The following SLC9A9 variants were observed in gnomAD, a reference collection of about 807,000 sequenced individuals.
The protein encoded by SLC9A9 is solute carrier family 9 member A9.
In SLC9A9, 62 loss-of-function variants were observed where a neutral mutation model predicts 77.8. That is an observed-to-expected ratio of 0.80 (90% CI 0.65 to 0.98). The LOEUF is 0.98. Ranked by LOEUF, SLC9A9 falls within the 50% of genes least tolerant of loss-of-function variation. The probability of loss-of-function intolerance (pLI) is 0.00; values close to 1 mark genes in which losing one functional copy is unlikely to be tolerated. For synonymous variants in SLC9A9, 320 were observed against 283.5 expected (o/e 1.13, Z -1.29); for missense variants, 775 against 774.9 (o/e 1.00, Z 0.00).
At chr3:143,658,399 C>T (rs577799155) in intron 5 of SLC9A9, among the ~76,000 whole-genome samples, 11 of 152,318 alleles carry the variant, frequency 7.2e-5, no homozygotes, top group Admixed American at 2.6e-4. Context: ...GCTTAATTCT[C>T]TTGTTGAGAA....
chr3:143,666,611 TA>T (rs201748924), intron 5 of SLC9A9, among the ~76,000 whole-genome samples: 4,712 of 152,324 alleles, frequency 0.031, 107 homozygotes, highest in Middle Eastern at 0.088. Flanking sequence ...AAAATCTCCT[TA>T]AGCTGATAAG....
At chr3:143,830,252 G>T (rs147382266) in intron 2 of SLC9A9, among the ~76,000 whole-genome samples, 1 of 152,272 alleles carries the variant, frequency 6.6e-6, no homozygotes, top group Non-Finnish European at 1.5e-5. Flanking sequence ...GACTTAGTCA[G>T]GTTGCTGAGT....
chr3:143,474,506 T>C (rs1186668671), intron 11 of SLC9A9, among the ~76,000 whole-genome samples: 1 of 151,950 alleles, frequency 6.6e-6, no homozygotes, highest in African/African-American at 2.4e-5. Flanking sequence ...GTGCTGAATG[T>C]ATGTCAAAGG....
intron 1 of SLC9A9, among the ~76,000 whole-genome samples, chr3:143,837,181 T>C (rs2009588887): frequency 1.3e-5 from 2 of 152,232 alleles, no homozygotes. Context: ...ACTATAATTG[T>C]GTCCAGACAC....
At chr3:143,272,677 A>T (rs1041579392) in intron 14 of SLC9A9, among the ~76,000 whole-genome samples, 8 of 152,180 alleles carry the variant, frequency 5.3e-5, no homozygotes, top group African/African-American at 1.4e-4. Context: ...TCTTCTATCT[A>T]TTAAAAAAAA....
chr3:143,667,878 G>A (rs1229218048), intron 5 of SLC9A9, among the ~76,000 whole-genome samples: 1 of 152,194 alleles, frequency 6.6e-6, no homozygotes, highest in Admixed American at 6.5e-5. Context: ...CTCTTACACT[G>A]TTGGTGGGAG....
chr3:143,406,384 T>G (rs1459036457), intron 12 of SLC9A9, among the ~76,000 whole-genome samples: 1 of 145,774 alleles, frequency 6.9e-6, no homozygotes, highest in Non-Finnish European at 1.5e-5. Flanking sequence ...TTCCTGTATC[T>G]TTTTTTTTTT....
chr3:143,520,193 C>T lies in SLC9A9; in HGVS notation c.1090-24745G>A, dbSNP rs540849067. On this transcript the variant is annotated intron_variant, in intron 9 of 15. Coordinates refer to ENST00000316549, the MANE Select transcript of SLC9A9 (RefSeq NM_173653.4). ...GTGCTATGGACTGATGTTTGTGTCTCCTTGAAATTCATATGTTGAAGCACT... is the reference window on the plus strand; with the variant it reads ...GTGCTATGGACTGATGTTTGTGTCTTCTTGAAATTCATATGTTGAAGCACT... 2.3e-4 allele frequency among the ~76,000 whole-genome samples: 35 copies of T among 152,268 alleles called. 1 individual carries two copies. The South Asian group carries it at 6.8e-3, about 30-fold the overall frequency.
intron 5 of SLC9A9, among the ~76,000 whole-genome samples, chr3:143,677,066 T>C (rs1932909099): frequency 6.6e-6 from 1 of 152,214 alleles, no homozygotes; most frequent in African/African-American, 2.4e-5. Flanking sequence ...GGACTGCACA[T>C]GTTCATTGCT....
chr3:143,322,054 G>T (rs891535390), intron 14 of SLC9A9, among the ~76,000 whole-genome samples: 1 of 152,208 alleles, frequency 6.6e-6, no homozygotes, highest in African/African-American at 2.4e-5. Flanking sequence ...GCTAGTTGTT[G>T]GAAGACAGTG....
rs114379748 is a variant in SLC9A9, at chr3:143,733,645, A to G, written c.534-40338T>C. On this transcript the variant is annotated intron_variant, in intron 4 of 15. Coordinates refer to ENST00000316549, the MANE Select transcript of SLC9A9 (RefSeq NM_173653.4). ...CATACACCCTGGTGTGACTCCTGGT[A>G]GAGAGACAGGCAAGATAGCCAGCAG... Among the ~76,000 whole-genome samples, 501 of 152,194 alleles carry G rather than the reference A, an allele frequency of 3.3e-3. 5 individuals carry two copies. The highest frequency in any genetic ancestry group is 0.011 in the African/African-American group (470 of 41,520).
intron 4 of SLC9A9, among the ~76,000 whole-genome samples, chr3:143,782,977 TC>T (rs1273263145): frequency 6.6e-6 from 1 of 152,136 alleles, no homozygotes; most frequent in Non-Finnish European, 1.5e-5. Context: ...TTCTGTCAGT[TC>T]CATCATTCAA....
chr3:143,757,785 A>T (rs2006973354), intron 4 of SLC9A9, among the ~76,000 whole-genome samples: 1 of 152,126 alleles, frequency 6.6e-6, no homozygotes, highest in Non-Finnish European at 1.5e-5. Flanking sequence ...ATTTAAGGAT[A>T]GTATATTACC....
chr3:143,769,502 G>A lies in SLC9A9; in HGVS notation c.533+25499C>T, dbSNP rs73011410. Among the ~76,000 whole-genome samples the A allele has an allele frequency of 9.6e-3, 1,462 of 152,246 alleles. 23 individuals are homozygous for A. The highest frequency in any genetic ancestry group is 0.034 in the African/African-American group (1,403 of 41,552). On this transcript the variant is annotated intron_variant, in intron 4 of 15. Coordinates refer to ENST00000316549, the MANE Select transcript of SLC9A9 (RefSeq NM_173653.4). ...CCTCTGAAACAAAAGCAAAGCCAGA[G>A]GTAAGTACAAGAAAACTTGAGAACT... is the stretch of plus-strand genomic sequence containing the variant.
intron 9 of SLC9A9, among the ~76,000 whole-genome samples, chr3:143,537,772 C>G (rs1441617201): frequency 6.6e-6 from 1 of 152,140 alleles, no homozygotes; most frequent in Non-Finnish European, 1.5e-5. Context: ...CCATTTAGTG[C>G]CTCCCTTTCT....
At chr3:143,686,964 C>A (rs1933292224) in intron 5 of SLC9A9, among the ~76,000 whole-genome samples, 2 of 152,128 alleles carry the variant, frequency 1.3e-5, no homozygotes, top group Admixed American at 6.6e-5. Context: ...CTGTGTATTT[C>A]TTTCTTTCCC....
At chr3:143,474,935 C>A (rs1460719679) in intron 11 of SLC9A9, among the ~76,000 whole-genome samples, 1 of 150,390 alleles carries the variant, frequency 6.6e-6, no homozygotes, top group African/African-American at 2.5e-5. Flanking sequence ...ACCATCAGAC[C>A]TAAGTGCTCT....
chr3:143,723,088 CT>C (rs111578505), intron 4 of SLC9A9, among the ~76,000 whole-genome samples: 10 of 152,176 alleles, frequency 6.6e-5, no homozygotes, highest in African/African-American at 2.4e-4. Context: ...ACCCAACAGG[CT>C]GATTTAGTTC....
At position 143,317,090 on chromosome 3, in the gene SLC9A9, T is replaced by C. The variant is rs539751235; in HGVS notation, c.1604+46394A>G. The stretch of plus-strand genomic sequence containing the variant: ...GACCATGATTACTAACACAGACAAA[T>C]CTCTGTCACAGACCTCCTCCAAGAG... On this transcript the variant is annotated intron_variant, in intron 14 of 15. Transcript: ENST00000316549. 7.9e-5 allele frequency among the ~76,000 whole-genome samples: 12 copies of C among 152,056 alleles called. No individual in the cohort carries two copies. The South Asian group carries it at 2.5e-3, about 32-fold the overall frequency.
Sources: allele counts gnomAD v4.1 joint callset (sites outside exome capture counted in the v4.1 genomes callset), GRCh38; gene constraint gnomAD v4.1.1; transcripts MANE v1.5; gene names NCBI Gene and HGNC (gene_info 2026-07-23, HGNC 2026-07-21).